The following CHRM3 variants were observed in gnomAD, a reference collection of about 807,000 sequenced individuals.
CHRM3 encodes cholinergic receptor muscarinic 3.
In CHRM3, 11 loss-of-function variants were observed where a neutral mutation model predicts 41.8. That is an observed-to-expected ratio of 0.26 (90% CI 0.17 to 0.44). The LOEUF (loss-of-function observed/expected upper bound fraction) is 0.44. Among genes scored for constraint, CHRM3 ranks in the 20% least tolerant of loss-of-function variants. The pLI is 1.00. For missense variants in CHRM3, 571 were observed against 745.4 expected, an observed-to-expected ratio of 0.77 and a Z score of 2.72; for synonymous variants, 297 against 301.4, an observed-to-expected ratio of 0.99 and a Z score of 0.15.
chr1:239,396,630 G>C (rs116595006), intron 1 of CHRM3, among the ~76,000 whole-genome samples: 1 of 152,098 alleles, frequency 6.6e-6, no homozygotes, highest in African/African-American at 2.4e-5. Context: ...AGTAAATATA[G>C]TGTTTTTGTT....
chr1:239,874,209 C>A (rs898226309), intron 6 of CHRM3, among the ~76,000 whole-genome samples: 1 of 140,712 alleles, frequency 7.1e-6, no homozygotes, highest in Non-Finnish European at 1.5e-5. Context: ...AACTTCCTTG[C>A]AGCTTTAGTT....
chr1:239,583,153 G>A (rs1400274001), intron 3 of CHRM3, among the ~76,000 whole-genome samples: 2 of 152,188 alleles, frequency 1.3e-5, no homozygotes, highest in Non-Finnish European at 2.9e-5. Flanking sequence ...TTGAAAGAGC[G>A]AAATTCTGTG....
intron 6 of CHRM3, among the ~76,000 whole-genome samples, chr1:239,846,321 A>G (rs1398369633): frequency 6.6e-6 from 1 of 152,200 alleles, no homozygotes; most frequent in Non-Finnish European, 1.5e-5. Flanking sequence ...ACTTGAACAT[A>G]TATCTAGTCA....
chr1:239,602,110 G>GTGTGTATATATA (rs1307023039), intron 3 of CHRM3, among the ~76,000 whole-genome samples: 6 of 112,860 alleles, frequency 5.3e-5, no homozygotes, highest in African/African-American at 2.1e-4. Context: ...GTGTGTGTGT[G>GTGTGTATATATA]TATATATATA....
At chr1:239,394,330 C>T (rs1042464744) in intron 1 of CHRM3, among the ~76,000 whole-genome samples, 1 of 152,206 alleles carries the variant, frequency 6.6e-6, no homozygotes, top group African/African-American at 2.4e-5. Flanking sequence ...GCATATCATT[C>T]CAATCTCTGC....
chr1:239,643,562 C>A (rs1671435942), intron 4 of CHRM3, among the ~76,000 whole-genome samples: 1 of 152,202 alleles, frequency 6.6e-6, no homozygotes. Flanking sequence ...GGGCGTAGGA[C>A]CCTCCGAGCC....
chr1:239,452,888 C>T (rs993166866), intron 1 of CHRM3, among the ~76,000 whole-genome samples: 6 of 152,122 alleles, frequency 3.9e-5, no homozygotes, highest in Non-Finnish European at 8.8e-5. Context: ...GCAAGCTCCT[C>T]CTCCCGGGTT....
chr1:239,539,292 T>A lies in CHRM3; in HGVS notation c.-421-6349T>A, dbSNP rs960203140. ...TTGTAATTCAATGAGAATAAGAGAA[T>A]GTCAGTTGCTTCAGCAGTTAGTGAC... On this transcript the variant is annotated intron_variant, in intron 2 of 6. Coordinates refer to ENST00000676153, the MANE Select transcript of CHRM3 (RefSeq NM_001375978.1). 3.9e-5 allele frequency among the ~76,000 whole-genome samples: 6 copies of A among 152,192 alleles called. No homozygotes were observed. The South Asian group carries it at 1.0e-3, about 26-fold the overall frequency.
intron 6 of CHRM3, among the ~76,000 whole-genome samples, chr1:239,859,806 A>C (rs905771688): frequency 8.0e-6 from 1 of 125,122 alleles, no homozygotes; most frequent in African/African-American, 3.2e-5. Flanking sequence ...ATTATATATA[A>C]GTTCTAAGTG....
At chr1:239,620,882 G>C (rs539134413) in intron 3 of CHRM3, among the ~76,000 whole-genome samples, 1 of 152,070 alleles carries the variant, frequency 6.6e-6, no homozygotes, top group Admixed American at 6.6e-5. Flanking sequence ...ATGCATAGTC[G>C]TATGAGTGGT....
chr1:239,442,966 GGA>G (rs1329445685), intron 1 of CHRM3, among the ~76,000 whole-genome samples: 1 of 152,104 alleles, frequency 6.6e-6, no homozygotes, highest in Non-Finnish European at 1.5e-5. Context: ...CTTAATAAAT[GGA>G]CTGACAAATA....
intron 4 of CHRM3, among the ~76,000 whole-genome samples, chr1:239,650,371 A>G (rs1428778046): frequency 6.6e-6 from 1 of 152,188 alleles, no homozygotes; most frequent in Non-Finnish European, 1.5e-5. Context: ...CAAAATGGAG[A>G]CAGTGATACA....
At chr1:239,878,470 G>A (rs150633514) in intron 6 of CHRM3, among the ~76,000 whole-genome samples, 1 of 152,132 alleles carries the variant, frequency 6.6e-6, no homozygotes, top group African/African-American at 2.4e-5. Flanking sequence ...ATGAGGCTTC[G>A]CTTGCTGGCC....
At chr1:239,902,357 T>G (rs548209211) in intron 6 of CHRM3, among the ~76,000 whole-genome samples, 4 of 152,236 alleles carry the variant, frequency 2.6e-5, no homozygotes, top group African/African-American at 9.6e-5. Flanking sequence ...GTCAAGTAAT[T>G]TGGTAAGTTT....
chr1:239,825,922 G>A (rs1672419599), intron 5 of CHRM3, among the ~76,000 whole-genome samples: 1 of 152,144 alleles, frequency 6.6e-6, no homozygotes, highest in Admixed American at 6.5e-5. Context: ...GATGAACCTT[G>A]AGAACATTAT....
At chr1:239,762,168 G>A (rs192276430) in intron 5 of CHRM3, among the ~76,000 whole-genome samples, 42 of 152,288 alleles carry the variant, frequency 2.8e-4, no homozygotes, top group African/African-American at 9.9e-4. Flanking sequence ...GACCAGAGCA[G>A]AAATCTAGCT....
intron 1 of CHRM3, among the ~76,000 whole-genome samples, chr1:239,488,578 G>A (rs1033893250): frequency 6.6e-6 from 1 of 151,740 alleles, no homozygotes; most frequent in Admixed American, 6.6e-5. Context: ...AGCTGTGTGT[G>A]GTGGCAGGCG....
At chr1:239,742,541 G>A (rs1664950762) in intron 5 of CHRM3, among the ~76,000 whole-genome samples, 1 of 152,130 alleles carries the variant, frequency 6.6e-6, no homozygotes, top group Admixed American at 6.6e-5. Flanking sequence ...GAGAGTGGAG[G>A]CAGCAGTCCT....
intron 3 of CHRM3, among the ~76,000 whole-genome samples, chr1:239,602,658 A>T (rs538807814): frequency 4.9e-4 from 74 of 152,284 alleles, no homozygotes; most frequent in African/African-American, 1.7e-3. Context: ...GTGTAGCATT[A>T]TTTGCAGTAA....
Sources: gnomAD v4.1 joint callset for allele counts (sites outside exome capture counted in the v4.1 genomes callset) on GRCh38, gnomAD v4.1.1 for gene constraint, MANE v1.5 for transcripts, NCBI Gene and HGNC (gene_info 2026-07-23, HGNC 2026-07-21) for gene names.